ERAP1: variants seen among roughly 807,000 people sequenced by gnomAD.
ERAP1 encodes adipocyte-derived leucine aminopeptidase.
Under a neutral mutation model 103.7 loss-of-function variants are expected in ERAP1, and 86 were observed. The ratio of observed to expected loss-of-function variants is 0.83; its 90% CI spans 0.70 to 0.99. The LOEUF (loss-of-function observed/expected upper bound fraction) is 0.99, where lower values mean the gene tolerates loss of function less well. Ranked by LOEUF, ERAP1 falls within the 50% of genes least tolerant of loss-of-function variation. The pLI is 0.00. For missense variants in ERAP1, 1,009 were observed against 1,128.4 expected, an observed-to-expected ratio of 0.89 and a Z score of 1.52; for synonymous variants, 398 against 402.4, an observed-to-expected ratio of 0.99 and a Z score of 0.13.
At chr5:96,842,691 T>C in the ERAP1 span, among the ~76,000 whole-genome samples, 1 of 152,236 alleles carries the variant, frequency 6.6e-6, no homozygotes, top group Admixed American at 6.5e-5. Flanking sequence ...CTTTTTCTGG[T>C]ATATAGCATG....
intron 3 of ERAP1, among the ~76,000 whole-genome samples, chr5:96,798,394 A>C (rs1488120888): frequency 6.6e-6 from 1 of 150,718 alleles, no homozygotes; most frequent in Non-Finnish European, 1.5e-5. Flanking sequence ...GCAATCAGAG[A>C]GTAAGGGTGG....
the ERAP1 span, among the ~76,000 whole-genome samples, chr5:96,875,160 C>T: frequency 1.3e-5 from 2 of 152,074 alleles, no homozygotes; most frequent in East Asian, 3.8e-4. Flanking sequence ...TGATTGAAGG[C>T]CATTGTGAGG....
intron 18 of ERAP1, among the ~76,000 whole-genome samples, chr5:96,778,519 T>C (rs1044906034): frequency 2.3e-4 from 35 of 151,824 alleles, no homozygotes; most frequent in African/African-American, 8.5e-4. Context: ...GTGGCTACAG[T>C]GTTATGAGAG....
At chr5:96,887,020 G>T in the ERAP1 span, among the ~76,000 whole-genome samples, 1 of 144,434 alleles carries the variant, frequency 6.9e-6, no homozygotes, top group Admixed American at 6.9e-5. Flanking sequence ...AGCATATATG[G>T]GTGTACATAG....
chr5:96,912,850 G>A, the ERAP1 span: 1 of 1,474,266 alleles, frequency 6.8e-7, no homozygotes, highest in Non-Finnish European at 9.2e-7. Context: ...CACAAATTCA[G>A]TGAAGTCACT....
At chr5:96,890,280 C>G in the ERAP1 span, among the ~76,000 whole-genome samples, 9 of 152,324 alleles carry the variant, frequency 5.9e-5, no homozygotes, top group African/African-American at 2.2e-4. Flanking sequence ...CACCTCAGAG[C>G]ATTGGGCATT....
chr5:96,909,829 C>A, the ERAP1 span: 4 of 1,514,922 alleles, frequency 2.6e-6, no homozygotes, highest in African/African-American at 1.4e-5. Context: ...TTTGATCAAG[C>A]AAGACATTAG....
the ERAP1 span, among the ~76,000 whole-genome samples, chr5:96,930,909 A>G: frequency 2.6e-5 from 4 of 152,168 alleles, no homozygotes; most frequent in Non-Finnish European, 5.9e-5. Context: ...TGACTCCCCA[A>G]AAAGAACTAG....
Position 96,783,236 on chromosome 5 carries a change from C to T in ERAP1, c.2101-1G>A. 6.2e-7 allele frequency: 1 copy of T among 1,609,620 alleles called. No homozygotes were observed. Among genetic ancestry groups the T allele is most frequent in the South Asian group, 1.1e-5 (1 of 90,954 alleles). On this transcript the variant is annotated splice_acceptor_variant, in intron 14 of 18. Coordinates refer to ENST00000443439, the MANE Select transcript of ERAP1 (RefSeq NM_001040458.3). LOFTEE classifies it high-confidence loss of function. ...CCCTTAGCAGCCTGATGAGGAAGGC[C>T]TGAGGGCGTTGTACAGGGAAACAGG...
At chr5:96,896,698 T>A in the ERAP1 span, 788,597 of 1,532,060 alleles carry the variant, frequency 0.51, 204,109 homozygotes, top group Middle Eastern at 0.6. Flanking sequence ...ATTTTCTTTA[T>A]CTCTTTTTTC....
chr5:96,771,413 A>T (rs1164490063), downstream of ERAP1, among the ~76,000 whole-genome samples: 1 of 152,162 alleles, frequency 6.6e-6, no homozygotes, highest in African/African-American at 2.4e-5. Context: ...TTAAAAAAAT[A>T]AAGCTGAGAG....
In ERAP1 at chr5:96,775,359, A is replaced by G. The variant is rs1325097432; in HGVS notation, c.*1037T>C. 5.1e-6 allele frequency: 5 copies of G among 985,198 alleles called. No individual in the cohort carries two copies. In the African/African-American group the frequency reaches 8.7e-5, roughly 17 times the overall value. The allele number at this position is 985,198 out of a possible 1,614,324, so 61.0% of individuals were successfully genotyped here. A position where few individuals can be genotyped will look rare whatever the true frequency, so the allele number is the denominator to read the frequency against. On this transcript the variant is annotated 3_prime_UTR_variant, in exon 19 of 19. Coordinates refer to ENST00000443439, the MANE Select transcript of ERAP1 (RefSeq NM_001040458.3). ...TGTACTATCATTTATTGGTGACTGC[A>G]ATAATTTACTGTCAGTAAATGCCAA...
At chr5:96,910,056 G>A in the ERAP1 span, 1 of 245,384 alleles carries the variant, frequency 4.1e-6, no homozygotes, top group African/African-American at 2.2e-5. Context: ...ACTGAGGTCA[G>A]GAGTTCAAGA....
chr5:96,821,915 C>T, the ERAP1 span, among the ~76,000 whole-genome samples: 6 of 152,302 alleles, frequency 3.9e-5, no homozygotes, highest in African/African-American at 1.2e-4. Context: ...GGGGTTAATT[C>T]CAGAAACAAA....
At chr5:96,885,387 T>G in the ERAP1 span, among the ~76,000 whole-genome samples, 2 of 152,204 alleles carry the variant, frequency 1.3e-5, no homozygotes, top group Non-Finnish European at 2.9e-5. Flanking sequence ...TGGGGAAAAT[T>G]AATTTGCTGG....
the ERAP1 span, among the ~76,000 whole-genome samples, chr5:96,816,601 T>C: frequency 6.6e-6 from 1 of 152,216 alleles, no homozygotes; most frequent in Non-Finnish European, 1.5e-5. Context: ...GTTGTGGTTT[T>C]AGGCACCTCC....
chr5:96,780,989 A>C, intron 17 of ERAP1, 69 bp downstream of exon 17: 1 of 1,581,596 alleles, frequency 6.3e-7, no homozygotes, highest in Non-Finnish European at 8.7e-7. Flanking sequence ...TCTTTTACAA[A>C]CAGCAAGGCT....
Position 96,781,136 on chromosome 5 carries a change from G to A in ERAP1, c.2510C>T (p.Thr837Ile). ...TCCTACTGGGTTCCTGCCAATGAGT[G>A]TAAGAATTTGTGGAAACTCCTGAGT... ...IKTQEFPQIL[T>I]LIGRNPVGYP... The change falls in exon 17 of 19, where the codon ACA becomes ATA. Residue 837 changes from threonine (T) to isoleucine (I), a missense_variant. This residue lies in a region of ERAP1 where 611 missense variants were observed against 651.7 expected (regional missense o/e 0.94). Coordinates refer to ENST00000443439, the MANE Select transcript of ERAP1 (RefSeq NM_001040458.3). 2.5e-6 allele frequency: 4 copies of A among 1,613,284 alleles called. No individual in the cohort carries two copies. The highest frequency in any genetic ancestry group is 1.7e-6 in the Non-Finnish European group (2 of 1,179,768).
chr5:96,829,384 C>G, the ERAP1 span, among the ~76,000 whole-genome samples: 1 of 152,170 alleles, frequency 6.6e-6, no homozygotes, highest in Non-Finnish European at 1.5e-5. Context: ...CTAAATCAAA[C>G]AACACCCTTA....
Sources: gnomAD v4.1 joint callset for allele counts (sites outside exome capture counted in the v4.1 genomes callset) on GRCh38, gnomAD v4.1.1 for gene constraint, gnomAD v4.1.1 regional missense constraint, MANE v1.5 for transcripts, NCBI Gene and HGNC (gene_info 2026-07-23, HGNC 2026-07-21) for gene names.